Variants in DNM2 observed in about 807,000 individuals in gnomAD.
DNM2 encodes the protein dynamin-2.
A neutral mutation model predicts 99.0 loss-of-function variants in DNM2; 15 were observed. That is an observed-to-expected ratio of 0.15 (90% confidence interval 0.10 to 0.23). The LOEUF (loss-of-function observed/expected upper bound fraction) is 0.23, where lower values mean the gene tolerates loss of function less well. Ranked by LOEUF, DNM2 falls within the 10% of genes least tolerant of loss-of-function variation. DNM2 has a pLI of 1.00. For missense variants in DNM2, 742 were observed against 1,189.4 expected, an observed-to-expected ratio of 0.62 and a Z score of 5.53; for synonymous variants, 525 against 481.2, an observed-to-expected ratio of 1.09 and a Z score of -1.19.
Position 10,811,687 on chromosome 19 carries a change from C to G in DNM2, c.1558-577C>G. On this transcript the variant is annotated intron_variant, in intron 14 of 20. Coordinates refer to ENST00000389253, the MANE Select transcript of DNM2 (RefSeq NM_001005361.3). The surrounding 1 kb of genome is among the most constrained non-coding windows in gnomAD (Gnocchi z 5.4). ...TTGTCAGGTGAGTCCCTGCGCAGGCCTGGGTTCTGACCCCCACGCAGATGA... is the reference window on the plus strand; with the variant it reads ...TTGTCAGGTGAGTCCCTGCGCAGGCGTGGGTTCTGACCCCCACGCAGATGA... 1.9e-6 allele frequency: 1 copy of G among 516,778 alleles called. No individual in the cohort carries two copies. The highest frequency in any genetic ancestry group is 3.9e-6 in the Non-Finnish European group (1 of 259,130). The allele number at this position is 516,778 out of a possible 1,614,324, so 32.0% of individuals were successfully genotyped here. A position where few individuals can be genotyped will look rare whatever the true frequency, so the allele number is the denominator to read the frequency against.
chr19:10,786,921 TG>T (rs1395517744), intron 7 of DNM2, among the ~76,000 whole-genome samples: 5 of 152,282 alleles, frequency 3.3e-5, no homozygotes, highest in South Asian at 2.1e-4. Flanking sequence ...GTGCTCAGAA[TG>T]GGGGGAAGTG....
At chr19:10,807,451 A>G (rs2072379477) in intron 13 of DNM2, among the ~76,000 whole-genome samples, 1 of 150,410 alleles carries the variant, frequency 6.6e-6, no homozygotes, top group African/African-American at 2.5e-5. Context: ...CATCTTGGCC[A>G]GGCTGGTCTC....
Position 10,795,511 on chromosome 19 carries a change from C to G in DNM2, c.1196+72C>G. 1 of 1,552,786 alleles carries G rather than the reference C, an allele frequency of 6.4e-7. No individual in the cohort carries two copies. The highest frequency in any genetic ancestry group is 8.9e-7 in the Non-Finnish European group (1 of 1,125,992). ...GCGACCCCCCAGCTAATTGGGTCAC[C>G]CACACCTCTGAGTCCCTAATCGTTA... On this transcript the variant is annotated intron_variant, in intron 9 of 20. Coordinates refer to ENST00000389253, the MANE Select transcript of DNM2 (RefSeq NM_001005361.3). This position sits in a 1 kb window ranked among gnomAD's most constrained non-coding sequence, Gnocchi z 4.2.
chr19:10,752,889 C>G (rs2070245836), intron 1 of DNM2, among the ~76,000 whole-genome samples: 2 of 152,124 alleles, frequency 1.3e-5, no homozygotes, highest in Non-Finnish European at 2.9e-5. Flanking sequence ...GCCTGTAATC[C>G]CAGCACTTTG....
intron 1 of DNM2, among the ~76,000 whole-genome samples, chr19:10,756,309 C>T (rs981794451): frequency 6.6e-6 from 1 of 152,060 alleles, no homozygotes; most frequent in African/African-American, 2.4e-5. Context: ...CCCCTCTCAC[C>T]CCTGCAGTAT....
chr19:10,807,923 ACC>A, intron 13 of DNM2, among the ~76,000 whole-genome samples: 1 of 147,022 alleles, frequency 6.8e-6, no homozygotes, highest in African/African-American at 2.5e-5. Context: ...CGGGCGGATC[ACC>A]TGAGGTCAAG....
intron 7 of DNM2, among the ~76,000 whole-genome samples, chr19:10,792,612 T>C (rs1239467469): frequency 2.0e-5 from 3 of 152,084 alleles, no homozygotes; most frequent in East Asian, 1.9e-4. Context: ...TTCTTTTTTT[T>C]CTTCTTTTTT....
intron 1 of DNM2, among the ~76,000 whole-genome samples, chr19:10,725,869 T>C (rs76291634): frequency 0.084 from 12,717 of 152,112 alleles, 563 homozygotes; most frequent in Middle Eastern, 0.11. Context: ...TCCTCTCACC[T>C]GAGTCTCCTG....
At chr19:10,729,627 G>T (rs999618867) in intron 1 of DNM2, among the ~76,000 whole-genome samples, 1 of 152,168 alleles carries the variant, frequency 6.6e-6, no homozygotes, top group Non-Finnish European at 1.5e-5. Context: ...GACGCTGCCC[G>T]TGGAATGCCG....
intron 5 of DNM2, 152 bp from the exon 6 acceptor site, chr19:10,782,808 A>T: frequency 9.4e-7 from 1 of 1,058,912 alleles, no homozygotes; most frequent in Non-Finnish European, 1.4e-6. Context: ...GTGCATTCGC[A>T]CCCTCTGTGT....
intron 7 of DNM2, among the ~76,000 whole-genome samples, chr19:10,791,856 C>T (rs948243583): frequency 3.3e-5 from 5 of 152,144 alleles, no homozygotes; most frequent in African/African-American, 1.2e-4. Flanking sequence ...GAGGCCAAGG[C>T]GGGCGGATCA....
At chr19:10,761,591 C>T (rs979589349) in intron 2 of DNM2, among the ~76,000 whole-genome samples, 7 of 152,100 alleles carry the variant, frequency 4.6e-5, no homozygotes, top group African/African-American at 1.4e-4. Flanking sequence ...TGTCTTCTTG[C>T]GGCCCTTTTA....
chr19:10,817,877 G>A lies in DNM2; in HGVS notation c.1672-2103G>A, dbSNP rs1049333964. ...GGAAGGCGGCCACTGATTTCTCGGCGGAATCGCACTGTAAACAGTTCCAGA... is the reference window on the plus strand; with the variant it reads ...GGAAGGCGGCCACTGATTTCTCGGCAGAATCGCACTGTAAACAGTTCCAGA... On this transcript the variant is annotated intron_variant, in intron 15 of 20. Transcript: ENST00000389253. This position sits in a 1 kb window ranked among gnomAD's most constrained non-coding sequence, Gnocchi z 4.6. Among the ~76,000 whole-genome samples the A allele has an allele frequency of 4.6e-5, 7 of 151,940 alleles. No individual in the cohort carries two copies. The highest frequency in any genetic ancestry group is 9.7e-5 in the African/African-American group (4 of 41,382).
intron 1 of DNM2, among the ~76,000 whole-genome samples, chr19:10,734,105 A>C (rs536256968): frequency 1.3e-5 from 2 of 152,190 alleles, no homozygotes; most frequent in South Asian, 4.1e-4. Context: ...CTGTAATCTC[A>C]GCACTTTGGG....
chr19:10,727,232 G>A (rs980312923), intron 1 of DNM2, among the ~76,000 whole-genome samples: 1 of 152,122 alleles, frequency 6.6e-6, no homozygotes, highest in Non-Finnish European at 1.5e-5. Flanking sequence ...ACTTATTGAC[G>A]GATAACAGCC....
In DNM2 at chr19:10,729,189, A is replaced by ATAT. The variant is rs1568265496; in HGVS notation, c.161+10786_161+10787insTAT. ...CAAAAAAAAAAAAAAAAAAAAAAAA[A>ATAT]ATATAAAAAATTAGCCAAGCATGGT... is the stretch of plus-strand genomic sequence containing the variant. On this transcript the variant is annotated intron_variant, in intron 1 of 20. Transcript: ENST00000389253. Among the ~76,000 whole-genome samples the ATAT allele has an allele frequency of 3.4e-5, 5 of 145,964 alleles. No homozygotes were observed. The East Asian group carries it at 8.1e-4, about 24-fold the overall frequency.
In DNM2 at chr19:10,797,365, C is replaced by T. The variant is rs1372647858; in HGVS notation, c.1197-15C>T. The T allele has an allele frequency of 6.2e-7, 1 of 1,611,740 alleles. No individual in the cohort carries two copies. The highest frequency in any genetic ancestry group is 1.7e-5 in the Admixed American group (1 of 59,992). ...GGGTGTCTTTCTGCCTCATCCTGCC[C>T]TCCGCATGACCCAGGACGGGGCTCT... On this transcript the variant is annotated splice_polypyrimidine_tract_variant and intron_variant, in intron 9 of 20. Coordinates refer to ENST00000389253, the MANE Select transcript of DNM2 (RefSeq NM_001005361.3).
intron 1 of DNM2, among the ~76,000 whole-genome samples, chr19:10,722,659 A>G (rs181744890): frequency 9.2e-5 from 14 of 151,754 alleles, no homozygotes; most frequent in Admixed American, 2.6e-4. Flanking sequence ...AGGGTCTTAT[A>G]CTGTCACCCA....
At chr19:10,729,894 ACT>A (rs2069251944) in intron 1 of DNM2, among the ~76,000 whole-genome samples, 1 of 148,914 alleles carries the variant, frequency 6.7e-6, no homozygotes, top group South Asian at 2.1e-4. Flanking sequence ...AACAGGTCTC[ACT>A]CTGTCACCCA....
Sources: gnomAD v4.1 joint callset for allele counts (sites outside exome capture counted in the v4.1 genomes callset) on GRCh38, gnomAD v4.1.1 for gene constraint, Gnocchi (gnomAD v3.1) non-coding constraint, MANE v1.5 for transcripts, NCBI Gene and HGNC (gene_info 2026-07-23, HGNC 2026-07-21) for gene names.